PTPRM: variants seen among roughly 807,000 people sequenced by gnomAD.
PTPRM encodes the protein protein tyrosine phosphatase receptor type M.
Under a neutral mutation model 186.7 loss-of-function variants are expected in PTPRM, and 47 were observed. That is an observed-to-expected ratio of 0.25 (90% CI 0.20 to 0.32). The LOEUF is 0.32. Ranked by LOEUF, PTPRM falls within the 10% of genes least tolerant of loss-of-function variation. The probability of loss-of-function intolerance (pLI) is 1.00; values close to 1 mark genes in which losing one functional copy is unlikely to be tolerated. For missense variants in PTPRM, 1,494 were observed against 1,865.0 expected (o/e 0.80, Z 3.66); for synonymous variants, 668 against 674.9 (o/e 0.99, Z 0.16).
intron 14 of PTPRM, among the ~76,000 whole-genome samples, chr18:8,148,304 T>C (rs545619433): frequency 1.3e-5 from 2 of 152,340 alleles, no homozygotes; most frequent in Non-Finnish European, 2.9e-5. Flanking sequence ...GGTAGGCTAT[T>C]AATTACTGCC....
At chr18:7,998,605 A>G in intron 7 of PTPRM, among the ~76,000 whole-genome samples, 1 of 152,208 alleles carries the variant, frequency 6.6e-6, no homozygotes, top group East Asian at 1.9e-4. Context: ...ATATTCATAT[A>G]GTGAAAAAAA....
intron 19 of PTPRM, among the ~76,000 whole-genome samples, chr18:8,263,034 C>T (rs1196083193): frequency 6.6e-6 from 1 of 152,104 alleles, no homozygotes; most frequent in Non-Finnish European, 1.5e-5. Flanking sequence ...TACTGATCAC[C>T]TAAAAATGGA....
intron 7 of PTPRM, among the ~76,000 whole-genome samples, chr18:8,033,859 A>G (rs1282456281): frequency 6.6e-6 from 1 of 152,240 alleles, no homozygotes; most frequent in Non-Finnish European, 1.5e-5. Context: ...CACAGCCTGC[A>G]GAAGTCTGAA....
chr18:7,634,476 G>A (rs527501880), intron 1 of PTPRM, among the ~76,000 whole-genome samples: 7 of 152,318 alleles, frequency 4.6e-5, no homozygotes, highest in African/African-American at 1.7e-4. Context: ...GGCTGTGAAG[G>A]TAGGACATGC....
chr18:8,231,901 G>A lies in PTPRM; in HGVS notation c.2301-12157G>A, dbSNP rs190310590. 1.7e-3 allele frequency among the ~76,000 whole-genome samples: 266 copies of A among 152,186 alleles called. 2 individuals are homozygous for A. Among genetic ancestry groups the A allele is most frequent in the Non-Finnish European group, 2.9e-3 (196 of 68,020 alleles). On this transcript the variant is annotated intron_variant, in intron 14 of 32. Coordinates refer to ENST00000580170, the MANE Select transcript of PTPRM (RefSeq NM_001105244.2). ...ACAGTATCCTCATTTATCATAATCCGTGAGGCTCTATTGCCACATCATTAT... is the reference window on the plus strand; with the variant it reads ...ACAGTATCCTCATTTATCATAATCCATGAGGCTCTATTGCCACATCATTAT...
intron 14 of PTPRM, among the ~76,000 whole-genome samples, chr18:8,150,525 T>C (rs1246015198): frequency 1.3e-5 from 2 of 152,168 alleles, no homozygotes; most frequent in African/African-American, 2.4e-5. Context: ...TCTAAACTGA[T>C]TATTCTAGTT....
intron 1 of PTPRM, among the ~76,000 whole-genome samples, chr18:7,577,522 A>G (rs1016802472): frequency 2.6e-5 from 4 of 152,312 alleles, no homozygotes; most frequent in African/African-American, 9.6e-5. Flanking sequence ...AATTATACCT[A>G]CACAGAGCTC....
chr18:7,895,128 C>G lies in PTPRM; in HGVS notation c.468+6751C>G, dbSNP rs147677750. Reference sequence around the variant, plus strand: ...GGGATTTGAATATCAGCCCTGCTTACTTAGAAGCTTGGGCAACTGATTTAA... The same window carrying G: ...GGGATTTGAATATCAGCCCTGCTTAGTTAGAAGCTTGGGCAACTGATTTAA... On this transcript the variant is annotated intron_variant, in intron 3 of 32. Coordinates refer to ENST00000580170, the MANE Select transcript of PTPRM (RefSeq NM_001105244.2). Among the ~76,000 whole-genome samples, 551 of 152,004 alleles carry G rather than the reference C, an allele frequency of 3.6e-3. 4 individuals are homozygous for G. The highest frequency in any genetic ancestry group is 0.013 in the African/African-American group (533 of 41,426).
At chr18:8,085,903 T>A (rs1234178053) in intron 10 of PTPRM, 31 bp downstream of exon 10, 6 of 1,590,000 alleles carry the variant, frequency 3.8e-6, no homozygotes, top group African/African-American at 1.3e-5. Context: ...GTGTCTTTTA[T>A]CAGAAGTAAC....
intron 23 of PTPRM, among the ~76,000 whole-genome samples, chr18:8,352,653 G>GTTTTTTTTTTTT (rs1355276752): frequency 1.6e-5 from 2 of 121,342 alleles, no homozygotes; most frequent in African/African-American, 2.9e-5. Context: ...TTTTGGTTTG[G>GTTTTTTTTTTTT]TTTTTTTTGT....
intron 14 of PTPRM, among the ~76,000 whole-genome samples, chr18:8,240,387 G>A (rs1342270777): frequency 2.8e-5 from 4 of 144,982 alleles, no homozygotes; most frequent in Non-Finnish European, 6.0e-5. Flanking sequence ...AGTGAGCCGA[G>A]ATCGCACCAC....
intron 2 of PTPRM, among the ~76,000 whole-genome samples, chr18:7,777,344 A>G (rs78348091): frequency 1.3e-5 from 2 of 152,128 alleles, no homozygotes; most frequent in Admixed American, 6.5e-5. Context: ...TTAAAAAAAA[A>G]GCAAAAAGAA....
At chr18:7,939,869 G>A (rs1260353785) in intron 5 of PTPRM, among the ~76,000 whole-genome samples, 3 of 152,180 alleles carry the variant, frequency 2.0e-5, no homozygotes, top group Admixed American at 6.5e-5. Flanking sequence ...TGACGGGGCT[G>A]CCTGTTTCTT....
chr18:7,877,759 A>G (rs1299687908), intron 2 of PTPRM, among the ~76,000 whole-genome samples: 2 of 152,312 alleles, frequency 1.3e-5, no homozygotes, highest in East Asian at 3.9e-4. Flanking sequence ...CCTGCCCAGC[A>G]CAGTCCAGAG....
chr18:7,711,475 G>A (rs898003567), intron 1 of PTPRM, among the ~76,000 whole-genome samples: 3 of 152,276 alleles, frequency 2.0e-5, no homozygotes, highest in South Asian at 2.1e-4. Context: ...GAATGCCAGA[G>A]AGACAGAACC....
rs141793267 is a variant in PTPRM, at chr18:8,064,672, A to T, written c.1133-5014A>T. ...GCCTGTAGGGCAGTGTAAATTAAAGATTGTTGTATCCCAGCAATTTCAGCT... is the reference window on the plus strand; with the variant it reads ...GCCTGTAGGGCAGTGTAAATTAAAGTTTGTTGTATCCCAGCAATTTCAGCT... On this transcript the variant is annotated intron_variant, in intron 7 of 32. Transcript: ENST00000580170. Among the ~76,000 whole-genome samples, 314 of 152,322 alleles carry T rather than the reference A, an allele frequency of 2.1e-3. 4 individuals are homozygous for T. The highest frequency in any genetic ancestry group is 7.2e-3 in the African/African-American group (300 of 41,572).
chr18:7,983,486 G>T (rs1254156633), intron 7 of PTPRM, among the ~76,000 whole-genome samples: 1 of 152,078 alleles, frequency 6.6e-6, no homozygotes, highest in Non-Finnish European at 1.5e-5. Flanking sequence ...CCCCTGTCCT[G>T]CCATGGCACT....
intron 22 of PTPRM, among the ~76,000 whole-genome samples, chr18:8,323,477 T>C (rs73382206): frequency 0.029 from 4,435 of 152,280 alleles, 225 homozygotes; most frequent in African/African-American, 0.1. Flanking sequence ...AAAATACATG[T>C]TAATTATTAT....
At chr18:7,867,041 T>G (rs1367381438) in intron 2 of PTPRM, among the ~76,000 whole-genome samples, 2 of 152,048 alleles carry the variant, frequency 1.3e-5, no homozygotes, top group East Asian at 3.9e-4. Flanking sequence ...TTTGCTTTCC[T>G]TTTACTTGGA....
Sources: allele counts gnomAD v4.1 joint callset (sites outside exome capture counted in the v4.1 genomes callset), GRCh38; gene constraint gnomAD v4.1.1; transcripts MANE v1.5; gene names NCBI Gene and HGNC (gene_info 2026-07-23, HGNC 2026-07-21).